MAMDC2: variants seen among roughly 807,000 people sequenced by gnomAD.
The protein encoded by MAMDC2 is MAM domain containing 2, also known as MAM domain-containing protein 2.
In MAMDC2, 57 loss-of-function variants were observed where a neutral mutation model predicts 89.8. The observed-to-expected ratio is 0.63, with a 90% CI of 0.51 to 0.79. The LOEUF (loss-of-function observed/expected upper bound fraction) is 0.79, where lower values mean the gene tolerates loss of function less well. MAMDC2 is among the 30% of genes least tolerant of loss of function. The pLI, the probability that MAMDC2 is intolerant of heterozygous loss-of-function variation, is 0.00. For missense variants in MAMDC2, 800 were observed against 820.6 expected (o/e 0.97, Z 0.31); for synonymous variants, 313 against 293.4 (o/e 1.07, Z -0.68).
intron 7 of MAMDC2, 97 bp from the exon 8 acceptor site, chr9:70,140,048 C>T (rs1305839316): frequency 1.5e-6 from 2 of 1,297,392 alleles, no homozygotes; most frequent in Non-Finnish European, 1.0e-6. Flanking sequence ...TCGGTCTCCC[C>T]TGGTACAAAT....
chr9:70,077,944 A>G (rs3015169), intron 2 of MAMDC2, among the ~76,000 whole-genome samples: 28,726 of 151,946 alleles, frequency 0.19, 3,882 homozygotes, highest in African/African-American at 0.38. Context: ...ATTCACAGGT[A>G]AGAAAATTTC....
intron 7 of MAMDC2, among the ~76,000 whole-genome samples, chr9:70,133,015 A>C (rs1245222473): frequency 1.3e-5 from 2 of 152,176 alleles, no homozygotes; most frequent in African/African-American, 2.4e-5. Flanking sequence ...AGAGTCTCTA[A>C]ATTTGACAGA....
intron 11 of MAMDC2, among the ~76,000 whole-genome samples, chr9:70,195,655 ATGCTCTC>A (rs1205841813): frequency 1.3e-5 from 2 of 152,016 alleles, no homozygotes; most frequent in Non-Finnish European, 2.9e-5. Context: ...CATGCTGTCT[ATGCTCTC>A]TGACCATGAG....
intron 9 of MAMDC2, among the ~76,000 whole-genome samples, chr9:70,166,842 T>C (rs2032192294): frequency 6.6e-6 from 1 of 152,178 alleles, no homozygotes. Context: ...TTTTTTAGTA[T>C]ACTTGTGAAA....
chr9:70,087,796 AC>A (rs1382996345), intron 2 of MAMDC2, among the ~76,000 whole-genome samples: 2 of 152,050 alleles, frequency 1.3e-5, no homozygotes, highest in African/African-American at 4.8e-5. Flanking sequence ...AACATCCTCA[AC>A]CCTTAGTTGG....
intron 2 of MAMDC2, among the ~76,000 whole-genome samples, chr9:70,059,967 G>A (rs958416191): frequency 6.6e-6 from 1 of 152,172 alleles, no homozygotes; most frequent in African/African-American, 2.4e-5. Context: ...ACAACATTCT[G>A]TGTCTCTTCA....
chr9:70,124,526 T>C (rs1003439361), intron 5 of MAMDC2, among the ~76,000 whole-genome samples: 1 of 152,154 alleles, frequency 6.6e-6, no homozygotes, highest in Non-Finnish European at 1.5e-5. Context: ...CCTTCTGCCA[T>C]GTTGAGATGA....
At chr9:70,099,700 C>A (rs1223388091) in intron 2 of MAMDC2, among the ~76,000 whole-genome samples, 1 of 152,058 alleles carries the variant, frequency 6.6e-6, no homozygotes, top group Non-Finnish European at 1.5e-5. Flanking sequence ...GCAGGCCAGG[C>A]GCGGTGGTTC....
chr9:70,105,755 T>A, intron 2 of MAMDC2, among the ~76,000 whole-genome samples: 1 of 152,128 alleles, frequency 6.6e-6, no homozygotes, highest in East Asian at 1.9e-4. Flanking sequence ...TAGCATAAGC[T>A]TATAGTAAAA....
At chr9:70,181,754 G>T (rs1265526558) in intron 11 of MAMDC2, among the ~76,000 whole-genome samples, 1 of 152,060 alleles carries the variant, frequency 6.6e-6, no homozygotes, top group African/African-American at 2.4e-5. Flanking sequence ...GGAGTTTTTG[G>T]GCTGAGACAA....
chr9:70,183,697 T>G (rs368947453), intron 11 of MAMDC2, among the ~76,000 whole-genome samples: 3 of 152,308 alleles, frequency 2.0e-5, no homozygotes, highest in African/African-American at 7.2e-5. Context: ...TGCATTTGCT[T>G]GGTAAATATT....
rs2031306637 is a variant in MAMDC2 at position 70,143,793 on chromosome 9, A to G, written c.1378A>G (p.Thr460Ala). 6.2e-7 allele frequency: 1 copy of G among 1,613,966 alleles called. No homozygotes were observed. Among genetic ancestry groups the G allele is most frequent in the Non-Finnish European group, 8.5e-7 (1 of 1,179,960 alleles). The change falls in exon 9 of 14, where the codon ACC becomes GCC. Residue 460 changes from threonine to alanine, a missense_variant. Physicochemically the swap from Thr to Ala is moderately conservative, Grantham distance 58 (BLOSUM62 0). Coordinates refer to ENST00000377182, the MANE Select transcript of MAMDC2 (RefSeq NM_153267.5). ...GGGTGTTTGGATGCAAGCTGAAATC[A>G]CCTTTAAGAAGCCCATGCCTACCAA... ...PRGVWMQAEI[T>A]FKKPMPTKVV...
chr9:70,121,942 C>T (rs962647845), intron 5 of MAMDC2, among the ~76,000 whole-genome samples: 1 of 152,170 alleles, frequency 6.6e-6, no homozygotes, highest in South Asian at 2.1e-4. Context: ...CAGATTGTAT[C>T]TGATGACACA....
At chr9:70,197,293 T>C (rs978339004) in intron 11 of MAMDC2, among the ~76,000 whole-genome samples, 2 of 152,076 alleles carry the variant, frequency 1.3e-5, no homozygotes, top group East Asian at 1.9e-4. Context: ...GAAGAACTTA[T>C]GGAGTAAAGT....
intron 2 of MAMDC2, among the ~76,000 whole-genome samples, chr9:70,061,530 T>A (rs766698044): frequency 7.2e-5 from 11 of 152,152 alleles, no homozygotes; most frequent in Non-Finnish European, 1.5e-4. Flanking sequence ...CCCTGTAGGG[T>A]CTTAGTGAAA....
chr9:70,115,008 G>T (rs546523970), intron 5 of MAMDC2, among the ~76,000 whole-genome samples: 36 of 152,288 alleles, frequency 2.4e-4, no homozygotes, highest in Admixed American at 2.4e-3. Flanking sequence ...GCTACAAGGG[G>T]TGGATGGTGG....
intron 4 of MAMDC2, among the ~76,000 whole-genome samples, chr9:70,111,786 GAA>G (rs981193465): frequency 1.6e-4 from 25 of 152,348 alleles, no homozygotes; most frequent in African/African-American, 5.8e-4. Flanking sequence ...GAAGCTCACT[GAA>G]GAGACCACAA....
chr9:70,111,458 C>T (rs928334829), intron 4 of MAMDC2, among the ~76,000 whole-genome samples: 2 of 152,204 alleles, frequency 1.3e-5, no homozygotes, highest in African/African-American at 2.4e-5. Flanking sequence ...CTCTCCATTG[C>T]TCATCTGTAA....
chr9:70,216,248 A>G (rs2033443296), intron 11 of MAMDC2: 1 of 152,238 alleles, frequency 6.6e-6, no homozygotes, highest in South Asian at 2.1e-4. Flanking sequence ...CCATAACAAA[A>G]TATCATAGAC....
Sources: gnomAD v4.1 joint callset for allele counts (sites outside exome capture counted in the v4.1 genomes callset) on GRCh38, gnomAD v4.1.1 for gene constraint, MANE v1.5 for transcripts, NCBI Gene and HGNC (gene_info 2026-07-23, HGNC 2026-07-21) for gene names.